VPS13D: variants seen among roughly 807,000 people sequenced by gnomAD.
VPS13D encodes the protein vacuolar protein sorting 13 homolog D, also known as intermembrane lipid transfer protein VPS13D.
A neutral mutation model predicts 461.9 loss-of-function variants in VPS13D; 187 were observed. The ratio of observed to expected loss-of-function variants is 0.40; its 90% CI spans 0.36 to 0.46. The LOEUF is 0.46. VPS13D is among the 20% of genes least tolerant of loss of function. The probability of loss-of-function intolerance (pLI) is 0.60; values close to 1 mark genes in which losing one functional copy is unlikely to be tolerated. For missense variants in VPS13D, 4,711 were observed against 5,364.9 expected (o/e 0.88, Z 3.81); for synonymous variants, 1,951 against 1,986.3 (o/e 0.98, Z 0.47).
intron 63 of VPS13D, among the ~76,000 whole-genome samples, chr1:12,406,949 G>C (rs967157453): frequency 6.6e-6 from 1 of 152,092 alleles, no homozygotes; most frequent in South Asian, 2.1e-4. Flanking sequence ...GAGAGGGTGG[G>C]GGTTAGGGGG....
chr1:12,414,809 CAG>C (rs749154696), intron 63 of VPS13D, among the ~76,000 whole-genome samples: 3 of 152,128 alleles, frequency 2.0e-5, no homozygotes, highest in Non-Finnish European at 4.4e-5. Context: ...ACATGACAAA[CAG>C]ATACAAAACA....
intron 63 of VPS13D, chr1:12,409,930 A>T (rs919486998): frequency 4.4e-6 from 2 of 455,902 alleles, no homozygotes; most frequent in South Asian, 1.5e-5. Flanking sequence ...TATTCTTGAG[A>T]CTTTTTCTGA....
chr1:12,305,593 T>C (rs1402651137), intron 26 of VPS13D, among the ~76,000 whole-genome samples: 2 of 152,118 alleles, frequency 1.3e-5, no homozygotes, highest in African/African-American at 4.8e-5. Flanking sequence ...CCTGGCCTCT[T>C]TTCTGTTGTT....
At chr1:12,345,609 CT>C (rs1643658747) in intron 43 of VPS13D, 100 bp downstream of exon 43, 1 of 1,477,620 alleles carries the variant, frequency 6.8e-7, no homozygotes, top group Non-Finnish European at 9.1e-7. Flanking sequence ...CTTGTTCTTT[CT>C]TTCCCCTAAT....
At chr1:12,476,923 G>T (rs1379640572) in intron 67 of VPS13D, among the ~76,000 whole-genome samples, 3 of 152,164 alleles carry the variant, frequency 2.0e-5, no homozygotes, top group African/African-American at 7.2e-5. Flanking sequence ...TACAGTTTCT[G>T]TTCAGAAATA....
chr1:12,448,066 C>T (rs947989029), intron 65 of VPS13D, among the ~76,000 whole-genome samples: 2 of 152,104 alleles, frequency 1.3e-5, no homozygotes, highest in Admixed American at 6.6e-5. Context: ...CAAGTGCTTT[C>T]GTAACCAAGG....
intron 44 of VPS13D, among the ~76,000 whole-genome samples, chr1:12,348,604 T>C (rs140470630): frequency 1.3e-5 from 2 of 152,332 alleles, no homozygotes; most frequent in African/African-American, 4.8e-5. Flanking sequence ...CTGAGTGGAT[T>C]ATCTGTTTTT....
At chr1:12,423,096 T>C (rs983784633) in intron 65 of VPS13D, among the ~76,000 whole-genome samples, 2 of 152,178 alleles carry the variant, frequency 1.3e-5, no homozygotes, top group African/African-American at 4.8e-5. Flanking sequence ...CTGTCTTCTT[T>C]ATAGGCAATA....
At chr1:12,411,748 A>G (rs1447735058) in intron 63 of VPS13D, among the ~76,000 whole-genome samples, 1 of 152,136 alleles carries the variant, frequency 6.6e-6, no homozygotes, top group Non-Finnish European at 1.5e-5. Context: ...GGCTGCACTC[A>G]CCTGGCAGTT....
In VPS13D at chr1:12,279,116, A is replaced by C. The variant is rs971459035; in HGVS notation, c.4451-383A>C. Among the ~76,000 whole-genome samples, 1 of 152,206 alleles carries C rather than the reference A, an allele frequency of 6.6e-6. No homozygotes were observed. The highest frequency in any genetic ancestry group is 2.4e-5 in the African/African-American group (1 of 41,464). Reference sequence around the variant, plus strand: ...CTGATTTAGGCCTAATAAGAGGGATACATCTGTATCTGAAAGCTAGGTAAG... The same window carrying C: ...CTGATTTAGGCCTAATAAGAGGGATCCATCTGTATCTGAAAGCTAGGTAAG... On this transcript the variant is annotated intron_variant, in intron 19 of 69. Coordinates refer to ENST00000620676, the MANE Select transcript of VPS13D (RefSeq NM_015378.4). The surrounding 1 kb of genome is among the most constrained non-coding windows in gnomAD (Gnocchi z 4.3).
At position 12,373,095 on chromosome 1, in the gene VPS13D, G is replaced by GTTTTTTTTTTTTTTT. The variant is rs571503565; in HGVS notation, c.10809-642_10809-628dup. Among the ~76,000 whole-genome samples the GTTTTTTTTTTTTTTT allele has an allele frequency of 3.5e-4, 13 of 37,232 alleles. 2 individuals carry two copies. Among genetic ancestry groups the GTTTTTTTTTTTTTTT allele is most frequent in the Admixed American group, 1.8e-3 (5 of 2,722 alleles). The allele number at this position is 37,232 out of a possible 152,430, so 24.4% of individuals were successfully genotyped here. A position where few individuals can be genotyped will look rare whatever the true frequency, so the allele number is the denominator to read the frequency against. On this transcript the variant is annotated intron_variant, in intron 54 of 69. Transcript: ENST00000620676. ...TTGGTCCCTTGAATTGTCTGGCTTG[G>GTTTTTTTTTTTTTTT]TTTTTTTTTTTTTTTTTTTTTTTTT...
At position 12,396,742 on chromosome 1, in the gene VPS13D, A is replaced by G. The variant is rs530636236; in HGVS notation, c.11635-3439A>G. 2.6e-5 allele frequency among the ~76,000 whole-genome samples: 4 copies of G among 152,252 alleles called. No individual in the cohort carries two copies. The South Asian group carries it at 8.3e-4, about 32-fold the overall frequency. On this transcript the variant is annotated intron_variant, in intron 60 of 69. Transcript: ENST00000620676. ...TTTCAGAAGAAATTTTTCTTTTATT[A>G]TATATCACGAATAACAGAGAATTCA...
At chr1:12,474,456 A>G (rs1645603621) in intron 67 of VPS13D, among the ~76,000 whole-genome samples, 1 of 152,072 alleles carries the variant, frequency 6.6e-6, no homozygotes, top group Non-Finnish European at 1.5e-5. Context: ...TCTCACAACA[A>G]TATTATTATG....
chr1:12,491,999 G>A (rs1213474599), intron 67 of VPS13D, among the ~76,000 whole-genome samples: 1 of 152,194 alleles, frequency 6.6e-6, no homozygotes, highest in Non-Finnish European at 1.5e-5. Flanking sequence ...GTTGAGTGTT[G>A]GTTCATAAGA....
chr1:12,406,266 A>C (rs527892952), intron 63 of VPS13D, among the ~76,000 whole-genome samples: 2 of 151,554 alleles, frequency 1.3e-5, no homozygotes, highest in Non-Finnish European at 3.0e-5. Context: ...AAATAATGTC[A>C]TTTATTCAAA....
intron 58 of VPS13D, 88 bp downstream of exon 58, chr1:12,383,243 G>C: frequency 1.5e-6 from 2 of 1,309,340 alleles, no homozygotes; most frequent in Non-Finnish European, 2.1e-6. Context: ...TATTGAACAT[G>C]TTTATGCCAG....
chr1:12,235,237 T>A (rs530176999), intron 2 of VPS13D, among the ~76,000 whole-genome samples: 1 of 152,300 alleles, frequency 6.6e-6, no homozygotes, highest in South Asian at 2.1e-4. Flanking sequence ...CACAGCTGTT[T>A]GCGTAGTCTG....
In VPS13D at chr1:12,360,474, A is replaced by G. The variant is rs377153600; in HGVS notation, c.10141+1873A>G. 4.6e-5 allele frequency among the ~76,000 whole-genome samples: 7 copies of G among 152,310 alleles called. No individual in the cohort carries two copies. The South Asian group carries it at 1.5e-3, about 32-fold the overall frequency. ...CAGGGGTTTCCCAGGGCAATATAAG[A>G]TGTGAAGGGGGAAAGAAGCCCACCT... On this transcript the variant is annotated intron_variant, in intron 50 of 69. Coordinates refer to ENST00000620676, the MANE Select transcript of VPS13D (RefSeq NM_015378.4).
intron 65 of VPS13D, among the ~76,000 whole-genome samples, chr1:12,446,756 G>A (rs1200463670): frequency 6.6e-6 from 1 of 152,166 alleles, no homozygotes; most frequent in African/African-American, 2.4e-5. Flanking sequence ...AAGAAGCTGG[G>A]GTGGAAGAGG....
Sources: gnomAD v4.1 joint callset for allele counts (sites outside exome capture counted in the v4.1 genomes callset) on GRCh38, gnomAD v4.1.1 for gene constraint, Gnocchi (gnomAD v3.1) non-coding constraint, MANE v1.5 for transcripts, NCBI Gene and HGNC (gene_info 2026-07-23, HGNC 2026-07-21) for gene names.